Variants in OLFML2A observed in about 807,000 individuals in gnomAD.
The protein encoded by OLFML2A is olfactomedin-like protein 2A.
A neutral mutation model predicts 60.9 loss-of-function variants in OLFML2A; 47 were observed. That is an observed-to-expected ratio of 0.77 (90% CI 0.61 to 0.98). OLFML2A has a LOEUF of 0.98. Ranked by LOEUF, OLFML2A falls within the 50% of genes least tolerant of loss-of-function variation. The pLI, the probability that OLFML2A is intolerant of heterozygous loss-of-function variation, is 0.00. For synonymous variants in OLFML2A, 372 were observed against 375.0 expected (o/e 0.99, Z 0.09); for missense variants, 922 against 879.8 (o/e 1.05, Z -0.61).
In OLFML2A at chr9:124,801,657, G is replaced by T; in HGVS notation, c.913G>T (p.Val305Leu). Residue 305 changes from valine to leucine, a missense_variant, in exon 5 of 8, where the codon GTG becomes TTG. Transcript: ENST00000373580. Reference protein sequence around the residue: ...KAGKQEVTEAVADNTLQGTSW... With the variant: ...KAGKQEVTEALADNTLQGTSW... ...AGGCAAGCAGGAGGTGACCGAGGCGGTGGCAGGTGAGTAGGAGGGGAATGG... is the reference window on the plus strand; with the variant it reads ...AGGCAAGCAGGAGGTGACCGAGGCGTTGGCAGGTGAGTAGGAGGGGAATGG... 1 of 1,612,800 alleles carries T rather than the reference G, an allele frequency of 6.2e-7. No homozygotes were observed.
At chr9:124,799,118 G>C (rs545668014) in intron 3 of OLFML2A, among the ~76,000 whole-genome samples, 167 bp from the exon 4 acceptor site, 3 of 152,150 alleles carry the variant, frequency 2.0e-5, no homozygotes, top group South Asian at 2.1e-4. Context: ...CATAAACACA[G>C]GGTCTCTTGG....
At chr9:124,780,749 G>T (rs763095643) in intron 1 of OLFML2A, among the ~76,000 whole-genome samples, 5 of 152,234 alleles carry the variant, frequency 3.3e-5, no homozygotes, top group Non-Finnish European at 2.9e-5. Context: ...TGTGTGCCAA[G>T]CCATGTCCCC....
rs1314412881 is a variant in OLFML2A at position 124,809,887 on chromosome 9, C to G, written c.1434C>G (p.Tyr478Ter). 6.2e-7 allele frequency: 1 copy of G among 1,614,082 alleles called. No individual in the cohort carries two copies. Among genetic ancestry groups the G allele is most frequent in the Non-Finnish European group, 8.5e-7 (1 of 1,180,030 alleles). ...TGGTGTACCAGGGCGCCTTCTACTA[C>G]AACCGCGCCTTCACCAAGAACATCA... ...GHVVYQGAFY[Y>*]NRAFTKNIIK... Residue 478 changes from tyrosine to a stop codon, truncating the protein, a stop_gained, in exon 8 of 8, where the codon TAC becomes TAG. Transcript: ENST00000373580. LOFTEE classifies it high-confidence loss of function.
Position 124,810,770 on chromosome 9 carries a change from C to G in OLFML2A, c.*358C>G, listed in dbSNP as rs1841998126. 4.0e-6 allele frequency: 1 copy of G among 250,542 alleles called. No individual in the cohort carries two copies. The highest frequency in any genetic ancestry group is 7.7e-6 in the Non-Finnish European group (1 of 130,590). The allele number at this position is 250,542 out of a possible 1,614,324, so 15.5% of individuals were successfully genotyped here. On this transcript the variant is annotated 3_prime_UTR_variant, in exon 8 of 8. Transcript: ENST00000373580. ...GCAGGCTGTGCTCTCAGGACAGCCC[C>G]ATTTTAGGGATGAGGAGACTTCACC...
At chr9:124,783,040 G>T (rs565210826) in intron 1 of OLFML2A, among the ~76,000 whole-genome samples, 1 of 151,982 alleles carries the variant, frequency 6.6e-6, no homozygotes, top group Non-Finnish European at 1.5e-5. Context: ...GAGCCTGACT[G>T]TTGGTGTTCA....
At chr9:124,801,714 TA>T (rs1389964400) in intron 5 of OLFML2A, 51 bp downstream of exon 5, 1 of 1,568,516 alleles carries the variant, frequency 6.4e-7, no homozygotes, top group Non-Finnish European at 8.7e-7. Flanking sequence ...GGATGCCTCC[TA>T]GGAATCCCCT....
At chr9:124,780,298 C>T (rs1345949932) in intron 1 of OLFML2A, among the ~76,000 whole-genome samples, 1 of 152,204 alleles carries the variant, frequency 6.6e-6, no homozygotes, top group African/African-American at 2.4e-5. Context: ...TCCATCTCTA[C>T]CTCAGTTTCC....
Position 124,801,075 on chromosome 9 carries a change from G to A in OLFML2A, c.670-339G>A. 6.4e-6 allele frequency: 10 copies of A among 1,550,920 alleles called. No homozygotes were observed. In the South Asian group the frequency reaches 1.2e-4, roughly 18 times the overall value. ...GAGTAAGAGAGACAAGGCTGGGAAGGTGAGCAGGTGGAGGAGGCTGCCTCC... is the reference window on the plus strand; with the variant it reads ...GAGTAAGAGAGACAAGGCTGGGAAGATGAGCAGGTGGAGGAGGCTGCCTCC... On this transcript the variant is annotated intron_variant, in intron 4 of 7. Coordinates refer to ENST00000373580, the MANE Select transcript of OLFML2A (RefSeq NM_182487.4).
chr9:124,792,807 C>G (rs1841592971), intron 2 of OLFML2A, among the ~76,000 whole-genome samples: 1 of 152,208 alleles, frequency 6.6e-6, no homozygotes. Flanking sequence ...CCATACACTG[C>G]TGCTCCTTAC....
At chr9:124,809,653 G>A (rs916935035) in intron 7 of OLFML2A, among the ~76,000 whole-genome samples, 155 bp from the exon 8 acceptor site, 2 of 151,618 alleles carry the variant, frequency 1.3e-5, no homozygotes, top group African/African-American at 4.9e-5. Context: ...GGAGACGCTT[G>A]TGCCATAATA....
intron 5 of OLFML2A, among the ~76,000 whole-genome samples, chr9:124,803,209 G>A (rs576125708): frequency 5.9e-5 from 9 of 151,648 alleles, no homozygotes; most frequent in African/African-American, 1.7e-4. Context: ...GCGCCCGGCC[G>A]GTGTCACAAA....
At chr9:124,793,444 TC>T (rs1237146511) in intron 2 of OLFML2A, among the ~76,000 whole-genome samples, 2 of 152,112 alleles carry the variant, frequency 1.3e-5, no homozygotes, top group Non-Finnish European at 2.9e-5. Context: ...GGCTGCCATT[TC>T]CCCGTCTGAC....
intron 5 of OLFML2A, among the ~76,000 whole-genome samples, 173 bp from the exon 6 acceptor site, chr9:124,803,921 C>G (rs1438688927): frequency 1.3e-5 from 2 of 152,170 alleles, no homozygotes; most frequent in Non-Finnish European, 2.9e-5. Context: ...GTGAAGTCCT[C>G]CCTGCCTCCC....
intron 2 of OLFML2A, among the ~76,000 whole-genome samples, chr9:124,792,118 A>G (rs572817610): frequency 9.9e-4 from 151 of 152,302 alleles, no homozygotes; most frequent in Non-Finnish European, 1.1e-3. Flanking sequence ...CCTGATCCAC[A>G]CCTGCGCCCG....
At position 124,810,002 on chromosome 9, in the gene OLFML2A, G is replaced by A. The variant is rs747659132; in HGVS notation, c.1549G>A (p.Gly517Arg). ...YEDTTPWKWR[G>R]HSDIDFAVDE... ...GGACACCACACCTTGGAAGTGGCGC[G>A]GACACTCGGACATTGACTTTGCCGT... Residue 517 changes from glycine (G) to arginine (R), a missense_variant, in exon 8 of 8, where the codon GGA becomes AGA. Physicochemically the swap from Gly to Arg is moderately radical, Grantham distance 125 (BLOSUM62 -2). Transcript: ENST00000373580. 6.2e-7 allele frequency: 1 copy of A among 1,614,090 alleles called. No homozygotes were observed. Among genetic ancestry groups the A allele is most frequent in the Non-Finnish European group, 8.5e-7 (1 of 1,180,024 alleles).
At chr9:124,802,429 G>A (rs978594006) in intron 5 of OLFML2A, among the ~76,000 whole-genome samples, 3 of 152,208 alleles carry the variant, frequency 2.0e-5, no homozygotes, top group Non-Finnish European at 4.4e-5. Context: ...TGTGCAAGGG[G>A]CGCAAGGAGG....
At chr9:124,792,397 G>A (rs1478103674) in intron 2 of OLFML2A, among the ~76,000 whole-genome samples, 1 of 152,190 alleles carries the variant, frequency 6.6e-6, no homozygotes, top group African/African-American at 2.4e-5. Context: ...TGTGTCCCCT[G>A]ATCTGGATGC....
intron 1 of OLFML2A, among the ~76,000 whole-genome samples, chr9:124,786,762 A>G (rs921816908): frequency 2.1e-5 from 3 of 143,510 alleles, no homozygotes; most frequent in Admixed American, 7.1e-5. Flanking sequence ...ACACACACAC[A>G]CACACACACA....
chr9:124,804,329 A>C lies in OLFML2A; in HGVS notation c.1155A>C (p.Glu385Asp). ...LLPTEPPSGP[E>D]VSSQGREASC... is the part of the protein sequence containing the mutation. ...CCACCGAGCCACCTTCAGGTCCAGA[A>C]GTCTCCAGCCAAGGTGAGTGAGCCT... Residue 385 changes from glutamate to aspartate, a missense_variant, in exon 6 of 8, where the codon GAA (glutamate) becomes GAC (aspartate). Coordinates refer to ENST00000373580, the MANE Select transcript of OLFML2A (RefSeq NM_182487.4). The C allele has an allele frequency of 6.5e-7, 1 of 1,546,872 alleles. No homozygotes were observed.
Sources: gnomAD v4.1 joint callset for allele counts (sites outside exome capture counted in the v4.1 genomes callset) on GRCh38, gnomAD v4.1.1 for gene constraint, MANE v1.5 for transcripts, NCBI Gene and HGNC (gene_info 2026-07-23, HGNC 2026-07-21) for gene names.